Variants in NCK2 observed in about 807,000 individuals in gnomAD.
NCK2 encodes cytoplasmic protein NCK2.
Under a neutral mutation model 33.9 loss-of-function variants are expected in NCK2, and 16 were observed. That is an observed-to-expected ratio of 0.47 (90% CI 0.32 to 0.72). The LOEUF is 0.72. Ranked by LOEUF, NCK2 falls within the 30% of genes least tolerant of loss-of-function variation. The pLI, the probability that NCK2 is intolerant of heterozygous loss-of-function variation, is 0.03. For synonymous variants in NCK2, 273 were observed against 239.9 expected (o/e 1.14, Z -1.27); for missense variants, 418 against 537.3 (o/e 0.78, Z 2.19).
intron 3 of NCK2, among the ~76,000 whole-genome samples, chr2:105,859,115 A>C (rs1677409621): frequency 6.6e-6 from 1 of 152,208 alleles, no homozygotes. Flanking sequence ...TTGTAAAAGC[A>C]CTATGCTACA....
At chr2:105,860,753 G>A (rs1020483995) in intron 3 of NCK2, among the ~76,000 whole-genome samples, 14 of 151,768 alleles carry the variant, frequency 9.2e-5, no homozygotes, top group Non-Finnish European at 1.8e-4. Context: ...GGATGCCGGC[G>A]GCGCTGTAAT....
intron 1 of NCK2, among the ~76,000 whole-genome samples, chr2:105,808,595 G>A (rs1269425874): frequency 1.3e-5 from 2 of 152,202 alleles, no homozygotes; most frequent in Non-Finnish European, 2.9e-5. Flanking sequence ...GGGAGCACGT[G>A]AAAAACACCA....
intron 1 of NCK2, among the ~76,000 whole-genome samples, chr2:105,791,378 G>C (rs896537481): frequency 1.3e-5 from 2 of 152,148 alleles, no homozygotes; most frequent in African/African-American, 2.4e-5. Context: ...GAGTGACCAG[G>C]TGTGGTGGAA....
intron 4 of NCK2, among the ~76,000 whole-genome samples, chr2:105,892,096 T>A (rs1207745647): frequency 6.6e-6 from 1 of 151,862 alleles, no homozygotes; most frequent in Non-Finnish European, 1.5e-5. Flanking sequence ...GGCAGGAGAA[T>A]CTGCTTGAAC....
At chr2:105,860,756 G>A (rs902248988) in intron 3 of NCK2, among the ~76,000 whole-genome samples, 10 of 151,642 alleles carry the variant, frequency 6.6e-5, no homozygotes, top group Admixed American at 4.6e-4. Context: ...TGCCGGCGGC[G>A]CTGTAATGGA....
At chr2:105,882,703 C>T (rs528142012) in intron 4 of NCK2, among the ~76,000 whole-genome samples, 4 of 152,140 alleles carry the variant, frequency 2.6e-5, no homozygotes, top group South Asian at 2.1e-4. Flanking sequence ...AGGCTGGGGG[C>T]GGTGAGTTTC....
chr2:105,790,204 C>T (rs551953398), intron 1 of NCK2, among the ~76,000 whole-genome samples: 4 of 152,190 alleles, frequency 2.6e-5, no homozygotes, highest in South Asian at 2.1e-4. Flanking sequence ...AAAAGTAAAC[C>T]GTTAGAAATA....
intron 2 of NCK2, among the ~76,000 whole-genome samples, chr2:105,844,656 A>C (rs1456100639): frequency 6.7e-6 from 1 of 149,434 alleles, no homozygotes; most frequent in East Asian, 2.0e-4. Context: ...AATTGCTCGA[A>C]CCCAGGAGGA....
chr2:105,761,790 G>A (rs899858417), intron 1 of NCK2, among the ~76,000 whole-genome samples: 8 of 152,166 alleles, frequency 5.3e-5, no homozygotes, highest in Admixed American at 1.3e-4. Flanking sequence ...TGAGGCAGGA[G>A]GATCACTTGA....
At chr2:105,825,624 C>T (rs1284139404) in intron 2 of NCK2, among the ~76,000 whole-genome samples, 2 of 152,188 alleles carry the variant, frequency 1.3e-5, no homozygotes, top group East Asian at 3.8e-4. Context: ...TAGCAATGTC[C>T]ATGTTATCAC....
At chr2:105,820,714 C>G (rs1451402593) in intron 2 of NCK2, among the ~76,000 whole-genome samples, 2 of 152,152 alleles carry the variant, frequency 1.3e-5, no homozygotes, top group Non-Finnish European at 2.9e-5. Context: ...TGGAGGCTGG[C>G]CATTACTAGG....
intron 1 of NCK2, among the ~76,000 whole-genome samples, chr2:105,762,096 T>A (rs982964290): frequency 2.6e-5 from 4 of 152,390 alleles, no homozygotes; most frequent in Non-Finnish European, 5.9e-5. Flanking sequence ...ACAAGGACTT[T>A]CGCTTTGCTA....
chr2:105,860,963 C>T (rs1677505555), intron 3 of NCK2, among the ~76,000 whole-genome samples: 1 of 151,566 alleles, frequency 6.6e-6, no homozygotes, highest in Non-Finnish European at 1.5e-5. Flanking sequence ...ACTGGAGGAA[C>T]CCAAGGTCGT....
At chr2:105,841,114 A>G (rs374410946) in intron 2 of NCK2, among the ~76,000 whole-genome samples, 1 of 152,234 alleles carries the variant, frequency 6.6e-6, no homozygotes, top group East Asian at 1.9e-4. Flanking sequence ...CCCAGAGATG[A>G]CTGCATAATT....
At chr2:105,835,514 G>A (rs962659408) in intron 2 of NCK2, among the ~76,000 whole-genome samples, 16 of 148,576 alleles carry the variant, frequency 1.1e-4, no homozygotes, top group Admixed American at 6.7e-4. Context: ...ATTTTGATGA[G>A]GATTCTGTTT....
rs142593193 is a variant in NCK2, at chr2:105,890,793, T to C, written c.949-2189T>C. ...CATTGGTAGAAATGGAGTGATTCCT[T>C]GTTTTGCAAGGGTTGCACACTTCTC... On this transcript the variant is annotated intron_variant, in intron 4 of 4. Transcript: ENST00000233154. 6.8e-4 allele frequency among the ~76,000 whole-genome samples: 104 copies of C among 152,370 alleles called. No homozygotes were observed. The Middle Eastern group carries it at 0.014, about 20-fold the overall frequency.
At chr2:105,797,049 T>G (rs1323087107) in intron 1 of NCK2, among the ~76,000 whole-genome samples, 1 of 152,212 alleles carries the variant, frequency 6.6e-6, no homozygotes, top group Non-Finnish European at 1.5e-5. Context: ...CAGTCCCTTT[T>G]TTATTTTAAC....
chr2:105,811,888 C>T (rs1400966530), intron 1 of NCK2, among the ~76,000 whole-genome samples: 1 of 152,124 alleles, frequency 6.6e-6, no homozygotes, highest in East Asian at 1.9e-4. Context: ...TCCTTCTTTT[C>T]TCAGTTCTGG....
At chr2:105,790,141 G>A (rs1690828825) in intron 1 of NCK2, among the ~76,000 whole-genome samples, 1 of 152,212 alleles carries the variant, frequency 6.6e-6, no homozygotes, top group Non-Finnish European at 1.5e-5. Flanking sequence ...AAAAATACGG[G>A]CAGCCGTTTC....
Sources: gnomAD v4.1 joint callset for allele counts (sites outside exome capture counted in the v4.1 genomes callset) on GRCh38, gnomAD v4.1.1 for gene constraint, MANE v1.5 for transcripts, NCBI Gene and HGNC (gene_info 2026-07-23, HGNC 2026-07-21) for gene names.